The following NUP98 variants were observed in gnomAD, a reference collection of about 807,000 sequenced individuals.
The protein encoded by NUP98 is nuclear pore complex protein Nup98-Nup96.
NUP98 carries 26 observed loss-of-function variants against 191.9 expected under a neutral mutation model. The observed-to-expected ratio is 0.14, with a 90% CI of 0.10 to 0.19. The LOEUF (loss-of-function observed/expected upper bound fraction) is 0.19. Ranked by LOEUF, NUP98 falls within the 10% of genes least tolerant of loss-of-function variation. The pLI, the probability that NUP98 is intolerant of heterozygous loss-of-function variation, is 1.00. For synonymous variants in NUP98, 808 were observed against 778.4 expected, an observed-to-expected ratio of 1.04 and a Z score of -0.63; for missense variants, 1,941 against 2,178.8, an observed-to-expected ratio of 0.89 and a Z score of 2.17.
rs111435610 is a variant in NUP98, at chr11:3,728,824, A to G, written c.1730+2567T>C. On this transcript the variant is annotated intron_variant, in intron 14 of 32. Transcript: ENST00000324932. Reference sequence around the variant, plus strand: ...CAGGCAAGAGATAGTGGTGGCTTGCACTAGGGTAATAGCAATGAATGTGGT... The same window carrying G: ...CAGGCAAGAGATAGTGGTGGCTTGCGCTAGGGTAATAGCAATGAATGTGGT... 4.7e-3 allele frequency among the ~76,000 whole-genome samples: 712 copies of G among 152,340 alleles called. 2 individuals are homozygous for G. Among genetic ancestry groups the G allele is most frequent in the African/African-American group, 0.016 (679 of 41,578 alleles).
chr11:3,730,956 G>A (rs1011670857), intron 14 of NUP98, among the ~76,000 whole-genome samples: 3 of 152,054 alleles, frequency 2.0e-5, no homozygotes, highest in Non-Finnish European at 2.9e-5. Context: ...GTGATGTTCT[G>A]TATTTTTCAA....
At chr11:3,783,787 T>C (rs1171064968) in intron 1 of NUP98, among the ~76,000 whole-genome samples, 1 of 152,198 alleles carries the variant, frequency 6.6e-6, no homozygotes, top group Non-Finnish European at 1.5e-5. Flanking sequence ...TTTAAGGAAC[T>C]GAACCAAACT....
At chr11:3,778,217 A>AG (rs1344338618) in intron 4 of NUP98, among the ~76,000 whole-genome samples, 7 of 150,480 alleles carry the variant, frequency 4.7e-5, no homozygotes, top group Admixed American at 1.3e-4. Flanking sequence ...AAAAAAAAAA[A>AG]AAAGAAAGAA....
Position 3,679,728 on chromosome 11 carries a change from A to G in NUP98, c.4919-20T>C. ...TGGCATCTGAAGAAACAAAGTATTG[A>G]GCACAATGTCTGCACAAGTGCATAG... On this transcript the variant is annotated intron_variant, in intron 30 of 32. Coordinates refer to ENST00000324932, the MANE Select transcript of NUP98 (RefSeq NM_016320.5). 1.2e-6 allele frequency: 2 copies of G among 1,610,694 alleles called. No individual in the cohort carries two copies. The highest frequency in any genetic ancestry group is 1.7e-6 in the Non-Finnish European group (2 of 1,178,348).
chr11:3,702,810 T>C lies in NUP98; in HGVS notation c.3165A>G (p.Arg1055=), dbSNP rs1478432848. 1 of 1,614,170 alleles carries C rather than the reference T, an allele frequency of 6.2e-7. No individual in the cohort carries two copies. The change falls in exon 23 of 33, where the codon AGA becomes AGG. Residue 1055 remains arginine, a synonymous_variant. Transcript: ENST00000324932. ...SVSVQECRTP[R]AASLMNIPST... is the part of the protein sequence containing the mutation. ...ATGGGATATTCATTAAAGATGCTGC[T>C]CTGGGAGTACGACATTCTTGCACAG... is the stretch of plus-strand genomic sequence containing the variant.
intron 6 of NUP98, among the ~76,000 whole-genome samples, chr11:3,772,256 A>G (rs1425435617): frequency 6.6e-6 from 1 of 152,190 alleles, no homozygotes; most frequent in African/African-American, 2.4e-5. Flanking sequence ...TAAAATAAAA[A>G]TAAAAATTAT....
At chr11:3,696,846 A>C (rs572702198) in intron 25 of NUP98, 1 of 152,086 alleles carries the variant, frequency 6.6e-6, no homozygotes, top group East Asian at 1.9e-4. Flanking sequence ...ACAAAAAAAA[A>C]GGGGGGGAGT....
At chr11:3,770,214 C>T (rs1331673512) in intron 7 of NUP98, among the ~76,000 whole-genome samples, 1 of 151,896 alleles carries the variant, frequency 6.6e-6, no homozygotes, top group Non-Finnish European at 1.5e-5. Context: ...GGCATGGTGG[C>T]GGGTGCCTGT....
intron 27 of NUP98, 138 bp from the exon 28 acceptor site, chr11:3,691,627 C>G (rs986811357): frequency 7.8e-6 from 6 of 766,576 alleles, no homozygotes; most frequent in African/African-American, 1.8e-5. Context: ...AATCTCGGCT[C>G]ACTGCAACCT....
intron 15 of NUP98, among the ~76,000 whole-genome samples, chr11:3,724,545 G>A (rs1333424253): frequency 2.6e-5 from 4 of 151,196 alleles, no homozygotes; most frequent in African/African-American, 4.9e-5. Flanking sequence ...TAATACCAAC[G>A]TTTTAGGAGG....
intron 11 of NUP98, among the ~76,000 whole-genome samples, chr11:3,745,388 A>T (rs1412345593): frequency 6.6e-6 from 1 of 152,152 alleles, no homozygotes; most frequent in Non-Finnish European, 1.5e-5. Context: ...ACAGACTCAA[A>T]TTTCAGCACG....
At chr11:3,756,273 G>A (rs192769224) in intron 10 of NUP98, among the ~76,000 whole-genome samples, 181 of 152,192 alleles carry the variant, frequency 1.2e-3, no homozygotes, top group Non-Finnish European at 2.0e-3. Flanking sequence ...AACTTACACT[G>A]TTTATACCAC....
In NUP98 at chr11:3,702,820, C is replaced by A. The variant is rs146665998; in HGVS notation, c.3155G>T (p.Arg1052Leu). The A allele has an allele frequency of 1.1e-4, 180 of 1,613,924 alleles. 2 individuals are homozygous for A. Among genetic ancestry groups the A allele is most frequent in the Admixed American group, 1.7e-5 (1 of 59,988 alleles). ...CATTAAAGATGCTGCTCTGGGAGTA[C>A]GACATTCTTGCACAGAGACACTTGG... Reference protein sequence around the residue: ...LSPSVSVQECRTPRAASLMNI... With the variant: ...LSPSVSVQECLTPRAASLMNI... Residue 1052 changes from arginine to leucine, a missense_variant, in exon 23 of 33, where the codon CGT becomes CTT. Coordinates refer to ENST00000324932, the MANE Select transcript of NUP98 (RefSeq NM_016320.5).
chr11:3,793,570 C>T (rs2082426304), intron 1 of NUP98, among the ~76,000 whole-genome samples: 1 of 152,004 alleles, frequency 6.6e-6, no homozygotes, highest in Non-Finnish European at 1.5e-5. Context: ...CAGGTGTGAG[C>T]CACCACACCC....
rs1184379049 is a variant in NUP98 at position 3,700,783 on chromosome 11, T to A, written c.3569A>T (p.Lys1190Met). ...HLEKLSLRQR[K>M]PDEDMKLYQT... Reference sequence around the variant, plus strand: ...ATATAATTTCATGTCTTCATCTGGCTTTCTTTGTCTCAAACTGAGTTTTTC... The same window carrying A: ...ATATAATTTCATGTCTTCATCTGGCATTCTTTGTCTCAAACTGAGTTTTTC... Residue 1190 changes from lysine (K) to methionine (M), a missense_variant, in exon 24 of 33, where the codon AAG becomes ATG. Physicochemically the swap from Lys to Met is moderately conservative, Grantham distance 95. Transcript: ENST00000324932. 6.2e-7 allele frequency: 1 copy of A among 1,614,090 alleles called. No individual in the cohort carries two copies. The highest frequency in any genetic ancestry group is 8.5e-7 in the Non-Finnish European group (1 of 1,180,036).
intron 9 of NUP98, among the ~76,000 whole-genome samples, chr11:3,761,209 T>C (rs143781976): frequency 6.6e-6 from 1 of 152,276 alleles, no homozygotes; most frequent in East Asian, 1.9e-4. Context: ...ATAATGAGTA[T>C]GTTCTAAAAT....
At chr11:3,776,531 T>A (rs187651369) in intron 4 of NUP98, among the ~76,000 whole-genome samples, 8 of 151,472 alleles carry the variant, frequency 5.3e-5, no homozygotes, top group Non-Finnish European at 1.0e-4. Flanking sequence ...TAGCCCAGGC[T>A]GGAGTGCAGT....
chr11:3,730,190 G>C (rs983486317), intron 14 of NUP98, among the ~76,000 whole-genome samples: 1 of 151,962 alleles, frequency 6.6e-6, no homozygotes, highest in South Asian at 2.1e-4. Flanking sequence ...AGCCGAGATC[G>C]TGCCACTGCA....
intron 4 of NUP98, among the ~76,000 whole-genome samples, chr11:3,778,183 A>AGCGAG (rs1232430571): frequency 7.3e-6 from 1 of 136,842 alleles, no homozygotes; most frequent in Non-Finnish European, 1.5e-5. Flanking sequence ...TGGGTGACAG[A>AGCGAG]GCGAGACTCC....
Sources: gnomAD v4.1 joint callset for allele counts (sites outside exome capture counted in the v4.1 genomes callset) on GRCh38, gnomAD v4.1.1 for gene constraint, MANE v1.5 for transcripts, NCBI Gene and HGNC (gene_info 2026-07-23, HGNC 2026-07-21) for gene names.